Variants in STXBP4 observed in about 807,000 individuals in gnomAD.
STXBP4 encodes the protein syntaxin binding protein 4.
Under a neutral mutation model 76.1 loss-of-function variants are expected in STXBP4, and 55 were observed. That is an observed-to-expected ratio of 0.72 (90% CI 0.58 to 0.91). STXBP4 has a LOEUF of 0.91. Ranked by LOEUF, STXBP4 falls within the 40% of genes least tolerant of loss-of-function variation. The pLI is 0.00. For missense variants in STXBP4, 618 were observed against 636.9 expected (o/e 0.97, Z 0.32); for synonymous variants, 201 against 220.2 (o/e 0.91, Z 0.77).
intron 8 of STXBP4, among the ~76,000 whole-genome samples, chr17:55,017,217 C>G (rs2078223491): frequency 6.6e-6 from 1 of 152,174 alleles, no homozygotes; most frequent in South Asian, 2.1e-4. Context: ...TCTCCTCTGT[C>G]TCTTTCGCCT....
chr17:55,054,051 G>A lies in STXBP4; in HGVS notation c.1011+6897G>A, dbSNP rs75518973. ...ATGAGGCCCTCCTGTATTTATTTCT[G>A]TGAAAGGATTAGTTTCTGTTATTAA... On this transcript the variant is annotated intron_variant, in intron 12 of 17. Coordinates refer to ENST00000376352, the MANE Select transcript of STXBP4 (RefSeq NM_178509.6). Among the ~76,000 whole-genome samples, 87 of 152,152 alleles carry A rather than the reference G, an allele frequency of 5.7e-4. 1 individual carries two copies. Among genetic ancestry groups the A allele is most frequent in the East Asian group, 5.4e-3 (28 of 5,188 alleles).
chr17:55,185,349 T>TCC, the STXBP4 span, among the ~76,000 whole-genome samples: 45 of 146,766 alleles, frequency 3.1e-4, no homozygotes, highest in Non-Finnish European at 4.3e-4. Flanking sequence ...CTCCTCCTCC[T>TCC]TCTCCTCCTC....
At chr17:55,203,038 C>T in the STXBP4 span, among the ~76,000 whole-genome samples, 1 of 152,246 alleles carries the variant, frequency 6.6e-6, no homozygotes, top group Non-Finnish European at 1.5e-5. Context: ...TATTTCCTGG[C>T]TGCAGGAAGG....
At chr17:55,025,398 G>A (rs991444459) in intron 8 of STXBP4, among the ~76,000 whole-genome samples, 2 of 152,000 alleles carry the variant, frequency 1.3e-5, no homozygotes, top group South Asian at 2.1e-4. Flanking sequence ...AAATAGTTCC[G>A]GCCCATCTAT....
intron 17 of STXBP4, among the ~76,000 whole-genome samples, chr17:55,148,917 G>A (rs2080185713): frequency 6.6e-6 from 1 of 152,198 alleles, no homozygotes; most frequent in African/African-American, 2.4e-5. Context: ...TTCTGTGAAT[G>A]AGGAAATGTC....
chr17:55,132,318 G>A (rs189546906), intron 16 of STXBP4, among the ~76,000 whole-genome samples: 8 of 152,248 alleles, frequency 5.3e-5, no homozygotes, highest in African/African-American at 1.9e-4. Flanking sequence ...AGCCTCCTGA[G>A]TAGCTGGGAT....
At chr17:55,078,537 T>C (rs1372780610) in intron 14 of STXBP4, 149 bp from the exon 15 acceptor site, 1 of 587,576 alleles carries the variant, frequency 1.7e-6, no homozygotes, top group African/African-American at 1.9e-5. Flanking sequence ...TAAAACTGCA[T>C]GTTAGTTCAA....
chr17:55,042,800 C>T (rs1047797254), intron 10 of STXBP4, among the ~76,000 whole-genome samples: 1 of 152,032 alleles, frequency 6.6e-6, no homozygotes, highest in Admixed American at 6.6e-5. Context: ...GATACATAAT[C>T]GATAAATATA....
chr17:55,095,319 G>T (rs1252229014), intron 16 of STXBP4, among the ~76,000 whole-genome samples: 1 of 152,176 alleles, frequency 6.6e-6, no homozygotes, highest in Non-Finnish European at 1.5e-5. Context: ...AATGCCTAAA[G>T]TATAGTGTGT....
intron 3 of STXBP4, among the ~76,000 whole-genome samples, chr17:54,990,110 G>A (rs1432624378): frequency 5.9e-5 from 9 of 152,066 alleles, no homozygotes; most frequent in Non-Finnish European, 8.8e-5. Context: ...TTGTGTTTTG[G>A]ATGTTTTGTA....
intron 16 of STXBP4, among the ~76,000 whole-genome samples, chr17:55,117,408 G>A (rs244353): frequency 0.31 from 47,537 of 151,370 alleles, 7,576 homozygotes; most frequent in African/African-American, 0.38. Flanking sequence ...GATGATGACC[G>A]AAGGTCTTAG....
chr17:55,040,309 A>T (rs1043979469), intron 10 of STXBP4, among the ~76,000 whole-genome samples: 31 of 152,258 alleles, frequency 2.0e-4, no homozygotes, highest in African/African-American at 7.2e-4. Context: ...TATAAGCCAG[A>T]TAATAAGAAG....
intron 10 of STXBP4, among the ~76,000 whole-genome samples, chr17:55,036,291 T>C (rs970478956): frequency 6.6e-6 from 1 of 151,918 alleles, no homozygotes; most frequent in African/African-American, 2.4e-5. Context: ...AATCAACGTC[T>C]TTATAAATTT....
At chr17:55,185,889 C>T in the STXBP4 span, among the ~76,000 whole-genome samples, 14 of 152,260 alleles carry the variant, frequency 9.2e-5, no homozygotes, top group South Asian at 6.2e-4. Context: ...TTTAAAGGCA[C>T]GGAGAAAGGA....
chr17:55,000,875 C>A lies in STXBP4; in HGVS notation c.566C>A (p.Ser189Tyr). The change falls in exon 7 of 18, where the codon TCT (serine) becomes TAT (tyrosine). Residue 189 changes from serine (S) to tyrosine (Y), a missense_variant. By Grantham distance (144) the Ser-to-Tyr change is moderately radical. Transcript: ENST00000376352. ...TCAGAAAACAGTACTGTGGGTTTGTCTAATACAGGTAAATACACATTTAAT... is the reference window on the plus strand; with the variant it reads ...TCAGAAAACAGTACTGTGGGTTTGTATAATACAGGTAAATACACATTTAAT... The part of the protein sequence containing the change: ...ITSENSTVGL[S>Y]NTDVASAWTE... The A allele has an allele frequency of 6.3e-7, 1 of 1,591,158 alleles. No individual in the cohort carries two copies. The highest frequency in any genetic ancestry group is 8.6e-7 in the Non-Finnish European group (1 of 1,160,444).
the STXBP4 span, among the ~76,000 whole-genome samples, chr17:55,212,205 A>T: frequency 6.6e-6 from 1 of 152,114 alleles, no homozygotes; most frequent in Non-Finnish European, 1.5e-5. Flanking sequence ...TTTTCATGTT[A>T]TGTGACCCTG....
intron 16 of STXBP4, among the ~76,000 whole-genome samples, chr17:55,088,222 C>G (rs965140831): frequency 6.6e-6 from 1 of 152,260 alleles, no homozygotes; most frequent in East Asian, 1.9e-4. Context: ...GCCACAACCC[C>G]TCCCTCATTT....
At chr17:55,125,761 C>G (rs2079903749) in intron 16 of STXBP4, among the ~76,000 whole-genome samples, 2 of 152,106 alleles carry the variant, frequency 1.3e-5, no homozygotes, top group African/African-American at 4.8e-5. Flanking sequence ...TATGTAGACA[C>G]TACTTGCCTC....
At chr17:55,011,313 T>C (rs940195914) in intron 8 of STXBP4, among the ~76,000 whole-genome samples, 2 of 151,954 alleles carry the variant, frequency 1.3e-5, no homozygotes, top group African/African-American at 2.4e-5. Flanking sequence ...ACATACAGTT[T>C]AAAGAATAAT....
Sources: gnomAD v4.1 joint callset for allele counts (sites outside exome capture counted in the v4.1 genomes callset) on GRCh38, gnomAD v4.1.1 for gene constraint, MANE v1.5 for transcripts, NCBI Gene and HGNC (gene_info 2026-07-23, HGNC 2026-07-21) for gene names.